Variants in EPC2 observed in about 807,000 individuals in gnomAD.
EPC2 encodes the protein enhancer of polycomb homolog 2.
In EPC2, 14 loss-of-function variants were observed where a neutral mutation model predicts 92.1. The observed-to-expected ratio is 0.15, with a 90% CI of 0.10 to 0.24. EPC2 has a LOEUF of 0.24. EPC2 is among the 10% of genes least tolerant of loss of function. The pLI, the probability that EPC2 is intolerant of heterozygous loss-of-function variation, is 1.00. For missense variants in EPC2, 755 were observed against 971.5 expected (o/e 0.78, Z 2.96); for synonymous variants, 340 against 334.7 (o/e 1.02, Z -0.17).
intron 1 of EPC2, among the ~76,000 whole-genome samples, chr2:148,667,453 A>AT (rs1033095724): frequency 3.9e-5 from 6 of 152,226 alleles, no homozygotes; most frequent in Non-Finnish European, 7.4e-5. Context: ...ATTACAGTAG[A>AT]TTTTTTTGTG....
intron 10 of EPC2, 33 bp from the exon 11 acceptor site, chr2:148,781,611 G>T: frequency 6.3e-7 from 1 of 1,588,562 alleles, no homozygotes; most frequent in East Asian, 2.3e-5. Flanking sequence ...CTTTTAAAAC[G>T]TACTCATTTC....
chr2:148,745,459 G>A (rs1250618901), intron 3 of EPC2, among the ~76,000 whole-genome samples: 1 of 152,076 alleles, frequency 6.6e-6, no homozygotes, highest in Admixed American at 6.6e-5. Flanking sequence ...CCCTTGTTCA[G>A]CGTATTATCC....
chr2:148,706,606 G>T (rs1682005573), intron 2 of EPC2, among the ~76,000 whole-genome samples: 1 of 152,132 alleles, frequency 6.6e-6, no homozygotes, highest in Non-Finnish European at 1.5e-5. Flanking sequence ...AGAAAGGTCG[G>T]GTTACTCACA....
At chr2:148,708,106 A>G (rs1189728939) in intron 2 of EPC2, among the ~76,000 whole-genome samples, 1 of 152,208 alleles carries the variant, frequency 6.6e-6, no homozygotes, top group Non-Finnish European at 1.5e-5. Context: ...CGGTAGCAAG[A>G]CTAATAAAGA....
At chr2:148,693,746 G>A (rs1021001188) in intron 2 of EPC2, among the ~76,000 whole-genome samples, 8 of 152,126 alleles carry the variant, frequency 5.3e-5, no homozygotes, top group Admixed American at 3.3e-4. Flanking sequence ...GTAGCTCTTT[G>A]AGTTATGCCT....
At chr2:148,693,181 A>C (rs1207711742) in intron 2 of EPC2, among the ~76,000 whole-genome samples, 1 of 152,210 alleles carries the variant, frequency 6.6e-6, no homozygotes, top group Admixed American at 6.5e-5. Context: ...TAAGCCTTTA[A>C]GGAGTTTCAG....
chr2:148,711,127 T>A (rs375971161), intron 2 of EPC2, among the ~76,000 whole-genome samples: 249 of 152,214 alleles, frequency 1.6e-3, no homozygotes, highest in Non-Finnish European at 2.6e-3. Context: ...TCACTTACTT[T>A]GGGTTTCATT....
At chr2:148,728,993 C>G (rs1574608576) in intron 2 of EPC2, among the ~76,000 whole-genome samples, 2 of 122,548 alleles carry the variant, frequency 1.6e-5, no homozygotes, top group East Asian at 2.3e-4. Flanking sequence ...GATCGCGCCA[C>G]TGTACTCCAG....
chr2:148,763,702 C>G (rs1053796655), intron 6 of EPC2, among the ~76,000 whole-genome samples: 1 of 152,186 alleles, frequency 6.6e-6, no homozygotes, highest in Non-Finnish European at 1.5e-5. Context: ...TCACAGGCGT[C>G]TAGCCCACCA....
intron 3 of EPC2, among the ~76,000 whole-genome samples, chr2:148,747,176 A>G (rs1211225797): frequency 2.0e-5 from 3 of 151,938 alleles, no homozygotes; most frequent in Admixed American, 6.6e-5. Flanking sequence ...TATATACCCT[A>G]TTGACCTTTC....
chr2:148,771,411 T>G (rs1323771107), intron 10 of EPC2, 24 bp downstream of exon 10: 1 of 1,497,190 alleles, frequency 6.7e-7, no homozygotes, highest in Non-Finnish European at 9.0e-7. Flanking sequence ...GTGTTAAAAG[T>G]ATATCCTGCT....
intron 2 of EPC2, among the ~76,000 whole-genome samples, chr2:148,714,519 A>T (rs1320213436): frequency 1.3e-5 from 2 of 151,788 alleles, no homozygotes; most frequent in African/African-American, 4.8e-5. Flanking sequence ...ACTAATTTAC[A>T]CTCCCACCAA....
intron 2 of EPC2, among the ~76,000 whole-genome samples, chr2:148,713,103 A>G (rs1200706086): frequency 2.0e-5 from 3 of 152,240 alleles, no homozygotes; most frequent in Non-Finnish European, 4.4e-5. Context: ...TTACTATTCT[A>G]TACTTTTTAA....
chr2:148,657,545 T>G (rs1680827954), intron 1 of EPC2, among the ~76,000 whole-genome samples: 1 of 151,996 alleles, frequency 6.6e-6, no homozygotes, highest in African/African-American at 2.4e-5. Flanking sequence ...TTTAAGAAGT[T>G]CCCAGGTGAT....
rs1383829787 is a variant in EPC2 at position 148,783,619 on chromosome 2, T to C, written c.1880T>C (p.Met627Thr). 1.2e-6 allele frequency: 2 copies of C among 1,607,912 alleles called. No homozygotes were observed. Among genetic ancestry groups the C allele is most frequent in the Middle Eastern group, 1.6e-4 (1 of 6,078 alleles). The part of the protein sequence containing the change: ...KAQGSSTSDC[M>T]SKTLDSASAH... Reference sequence around the variant, plus strand: ...TAGGGCTCAAGCACCTCTGACTGTATGTCTAAAACACTTGACTCAGCCAGC... The same window carrying C: ...TAGGGCTCAAGCACCTCTGACTGTACGTCTAAAACACTTGACTCAGCCAGC... The change falls in exon 12 of 14, where the codon ATG becomes ACG. Residue 627 changes from methionine (M) to threonine (T), a missense_variant. Transcript: ENST00000258484.
At chr2:148,685,828 C>T (rs552176976) in intron 1 of EPC2, among the ~76,000 whole-genome samples, 1 of 152,314 alleles carries the variant, frequency 6.6e-6, no homozygotes, top group African/African-American at 2.4e-5. Flanking sequence ...ATTACGTATG[C>T]ACTAGCACTG....
At chr2:148,780,589 C>T (rs530386276) in intron 10 of EPC2, among the ~76,000 whole-genome samples, 1 of 152,204 alleles carries the variant, frequency 6.6e-6, no homozygotes, top group South Asian at 2.1e-4. Context: ...GTCTTTTCTT[C>T]CCAACTACAT....
intron 11 of EPC2, among the ~76,000 whole-genome samples, 161 bp from the exon 12 acceptor site, chr2:148,783,436 A>G (rs1047429593): frequency 6.6e-6 from 1 of 152,180 alleles, no homozygotes; most frequent in Non-Finnish European, 1.5e-5. Context: ...TCCCTGCTTC[A>G]TATGCCAAAA....
At chr2:148,723,530 CCT>C (rs1682425414) in intron 2 of EPC2, among the ~76,000 whole-genome samples, 1 of 152,166 alleles carries the variant, frequency 6.6e-6, no homozygotes, top group African/African-American at 2.4e-5. Flanking sequence ...TGTGTATTCA[CCT>C]CTGTCTCCAG....
Sources: allele counts gnomAD v4.1 joint callset (sites outside exome capture counted in the v4.1 genomes callset), GRCh38; gene constraint gnomAD v4.1.1; transcripts MANE v1.5; gene names NCBI Gene and HGNC (gene_info 2026-07-23, HGNC 2026-07-21).